Variants in TRAT1 observed in about 807,000 individuals in gnomAD.
The protein encoded by TRAT1 is T cell receptor associated transmembrane adaptor 1, also known as T-cell receptor-associated transmembrane adapter 1.
A neutral mutation model predicts 20.0 loss-of-function variants in TRAT1; 20 were observed. That is an observed-to-expected ratio of 1.00 (90% CI 0.70 to 1.45). TRAT1 has a LOEUF of 1.45. TRAT1 is among the 40% of genes most tolerant of loss of function. TRAT1 has a pLI of 0.00. For missense variants in TRAT1, 237 were observed against 224.1 expected (o/e 1.06, Z -0.37); for synonymous variants, 77 against 74.2 (o/e 1.04, Z -0.20).
At chr3:108,830,114 T>A (rs1369753436) in intron 1 of TRAT1, among the ~76,000 whole-genome samples, 2 of 152,092 alleles carry the variant, frequency 1.3e-5, no homozygotes, top group African/African-American at 2.4e-5. Flanking sequence ...GAAGTGTAAT[T>A]AACTTTCCAC....
intron 5 of TRAT1, among the ~76,000 whole-genome samples, chr3:108,852,147 G>A (rs1036986130): frequency 6.6e-6 from 1 of 152,204 alleles, no homozygotes. Context: ...TTGGGAGGCC[G>A]AGGCGGGCGG....
intron 1 of TRAT1, among the ~76,000 whole-genome samples, chr3:108,828,085 G>T (rs2107506250): frequency 6.6e-6 from 1 of 152,228 alleles, no homozygotes; most frequent in East Asian, 1.9e-4. Flanking sequence ...TTTATAGCTA[G>T]ATTCAGTGTA....
rs1945856492 is a variant in TRAT1, at chr3:108,838,280, C to G, written c.119-654C>G. 2.6e-5 allele frequency among the ~76,000 whole-genome samples: 4 copies of G among 151,746 alleles called. 1 individual carries two copies. In the South Asian group the frequency reaches 8.3e-4, roughly 32 times the overall value. On this transcript the variant is annotated intron_variant, in intron 2 of 5. Transcript: ENST00000295756. ...ATGATCACAGCAGCTTTCTTAATAT[C>G]ATTTTTATGTTGTTACTCATGCCAA...
intron 1 of TRAT1, among the ~76,000 whole-genome samples, chr3:108,823,169 C>T (rs535749234): frequency 6.6e-6 from 1 of 152,248 alleles, no homozygotes; most frequent in South Asian, 2.1e-4. Context: ...TACAGCTGTT[C>T]AGTAAGTGTT....
chr3:108,843,339 G>A lies in TRAT1; in HGVS notation c.153-3729G>A, dbSNP rs190040087. ...CAGGTCAAGAGATTGAGATAATCCT[G>A]GCCAACATAGTAAAACTCTGTCTCC... is the stretch of plus-strand genomic sequence containing the variant. On this transcript the variant is annotated intron_variant, in intron 3 of 5. Transcript: ENST00000295756. Among the ~76,000 whole-genome samples, 448 of 152,218 alleles carry A rather than the reference G, an allele frequency of 2.9e-3. 3 individuals carry two copies. Among genetic ancestry groups the A allele is most frequent in the Non-Finnish European group, 4.4e-3 (301 of 68,008 alleles).
chr3:108,830,736 C>A lies in TRAT1; in HGVS notation c.74C>A (p.Ser25Ter). The A allele has an allele frequency of 6.2e-7, 1 of 1,613,896 alleles. No homozygotes were observed. The highest frequency in any genetic ancestry group is 8.5e-7 in the Non-Finnish European group (1 of 1,179,830). The change falls in exon 2 of 6, where the codon TCA (serine) becomes TAA (stop). Residue 25 changes from serine to a stop codon, truncating the protein, a stop_gained. Coordinates refer to ENST00000295756, the MANE Select transcript of TRAT1 (RefSeq NM_016388.4). LOFTEE classifies it high-confidence loss of function. ...LALLGLALVI[S>*]LIFNISHYVE... The stretch of plus-strand genomic sequence containing the variant: ...TTGTTGGGCTTGGCTTTGGTTATAT[C>A]ACTGATCTTCAATATTTCCCACTAT...
intron 3 of TRAT1, among the ~76,000 whole-genome samples, chr3:108,846,408 ATAC>A (rs1945942739): frequency 6.6e-6 from 1 of 152,188 alleles, no homozygotes; most frequent in African/African-American, 2.4e-5. Context: ...GCAGGGAAGA[ATAC>A]TACTACTTTT....
chr3:108,837,382 T>C (rs1055138195), intron 2 of TRAT1, among the ~76,000 whole-genome samples: 3 of 152,212 alleles, frequency 2.0e-5, no homozygotes, highest in African/African-American at 7.2e-5. Flanking sequence ...CCAAACACAT[T>C]GACATGTGAC....
At position 108,853,677 on chromosome 3, in the gene TRAT1, C is replaced by T. The variant is rs138588985; in HGVS notation, c.361C>T (p.Arg121Cys). 8 of 1,613,954 alleles carry T rather than the reference C, an allele frequency of 5.0e-6. No individual in the cohort carries two copies. The highest frequency in any genetic ancestry group is 1.6e-4 in the Middle Eastern group (1 of 6,084). The change falls in exon 6 of 6, where the codon CGT (arginine) becomes TGT (cysteine). Residue 121 changes from arginine to cysteine, a missense_variant. Transcript: ENST00000295756. Reference protein sequence around the residue: ...ASLDHSVKGKRRKPRKQNTHF... With the variant: ...ASLDHSVKGKCRKPRKQNTHF... ...ACTTGATCACAGCGTTAAGGGGAAGCGTAGAAAGCCCAGGAAACAGAATAC... is the reference window on the plus strand; with the variant it reads ...ACTTGATCACAGCGTTAAGGGGAAGTGTAGAAAGCCCAGGAAACAGAATAC...
At chr3:108,824,434 A>G (rs1216179026) in intron 1 of TRAT1, among the ~76,000 whole-genome samples, 3 of 152,132 alleles carry the variant, frequency 2.0e-5, no homozygotes, top group Admixed American at 2.0e-4. Context: ...ATGCTAACTC[A>G]TTGTTCAATA....
At chr3:108,833,951 T>C (rs1015660063) in intron 2 of TRAT1, among the ~76,000 whole-genome samples, 1 of 152,194 alleles carries the variant, frequency 6.6e-6, no homozygotes, top group Admixed American at 6.5e-5. Flanking sequence ...AAGGATCTAC[T>C]ATGGCTATAT....
chr3:108,830,218 C>T (rs1199520540), intron 1 of TRAT1, among the ~76,000 whole-genome samples: 2 of 152,194 alleles, frequency 1.3e-5, no homozygotes, highest in Non-Finnish European at 2.9e-5. Flanking sequence ...TATCCCAACA[C>T]ATCGTATTCT....
rs184191561 is a variant in TRAT1 at position 108,838,930 on chromosome 3, T to C, written c.119-4T>C. On this transcript the variant is annotated splice_region_variant and splice_polypyrimidine_tract_variant and intron_variant, in intron 2 of 5. Coordinates refer to ENST00000295756, the MANE Select transcript of TRAT1 (RefSeq NM_016388.4). ...TTAACTTGTCTATTTTGAATATCTT[T>C]CAGATAAAATGTACAGCTACTCCAG... The C allele has an allele frequency of 6.2e-7, 1 of 1,603,076 alleles. No individual in the cohort carries two copies. The highest frequency in any genetic ancestry group is 1.7e-5 in the Admixed American group (1 of 59,986).
intron 3 of TRAT1, among the ~76,000 whole-genome samples, chr3:108,843,103 C>G (rs746374642): frequency 2.0e-5 from 3 of 152,206 alleles, no homozygotes; most frequent in Non-Finnish European, 4.4e-5. Flanking sequence ...ATGTAATAAG[C>G]ATATATGCAT....
chr3:108,852,062 CACA>C (rs200204521), intron 5 of TRAT1, among the ~76,000 whole-genome samples: 32 of 151,518 alleles, frequency 2.1e-4, no homozygotes, highest in Non-Finnish European at 2.8e-4. Context: ...AGAAGCTAGA[CACA>C]ACAACAACAA....
At position 108,849,323 on chromosome 3, in the gene TRAT1, A is replaced by T. The variant is rs930029974; in HGVS notation, c.303+69A>T. On this transcript the variant is annotated intron_variant, in intron 5 of 5. Coordinates refer to ENST00000295756, the MANE Select transcript of TRAT1 (RefSeq NM_016388.4). Reference sequence around the variant, plus strand: ...ATAAGAGTAGTACATTATGATACACATCTGAAATAGCCTGTTAGAAATTTT... The same window carrying T: ...ATAAGAGTAGTACATTATGATACACTTCTGAAATAGCCTGTTAGAAATTTT... 8 of 1,303,422 alleles carry T rather than the reference A, an allele frequency of 6.1e-6. No homozygotes were observed. In the African/African-American group the frequency reaches 1.2e-4, roughly 19 times the overall value. The allele number at this position is 1,303,422 out of a possible 1,614,324, so 80.7% of individuals were successfully genotyped here.
chr3:108,833,171 G>T (rs563346511), intron 2 of TRAT1, among the ~76,000 whole-genome samples: 15 of 152,216 alleles, frequency 9.9e-5, no homozygotes, highest in African/African-American at 2.9e-4. Context: ...TAATCCCAGT[G>T]CTTTGGGAGG....
At chr3:108,825,559 G>T (rs1945730531) in intron 1 of TRAT1, among the ~76,000 whole-genome samples, 1 of 152,088 alleles carries the variant, frequency 6.6e-6, no homozygotes, top group Non-Finnish European at 1.5e-5. Context: ...AAACTCAGAT[G>T]GGTCAAAGAC....
intron 1 of TRAT1, among the ~76,000 whole-genome samples, chr3:108,826,572 G>T (rs1449154023): frequency 6.6e-6 from 1 of 152,116 alleles, no homozygotes; most frequent in East Asian, 1.9e-4. Context: ...CATCAAGAAT[G>T]TGCCTTATTT....
Sources: allele counts gnomAD v4.1 joint callset (sites outside exome capture counted in the v4.1 genomes callset), GRCh38; gene constraint gnomAD v4.1.1; transcripts MANE v1.5; gene names NCBI Gene and HGNC (gene_info 2026-07-23, HGNC 2026-07-21).